The following DROSHA variants were observed in gnomAD, a reference collection of about 807,000 sequenced individuals.
The protein encoded by DROSHA is ribonuclease 3.
Under a neutral mutation model 181.9 loss-of-function variants are expected in DROSHA, and 56 were observed. The observed-to-expected ratio is 0.31, with a 90% CI of 0.25 to 0.38. The LOEUF is 0.38. DROSHA is among the 10% of genes least tolerant of loss of function. The pLI, the probability that DROSHA is intolerant of heterozygous loss-of-function variation, is 1.00. For synonymous variants in DROSHA, 524 were observed against 591.2 expected (o/e 0.89, Z 1.65); for missense variants, 1,218 against 1,743.5 (o/e 0.70, Z 5.37).
intron 27 of DROSHA, among the ~76,000 whole-genome samples, 157 bp from the exon 28 acceptor site, chr5:31,424,628 A>G (rs1185039926): frequency 6.6e-6 from 1 of 152,112 alleles, no homozygotes; most frequent in Non-Finnish European, 1.5e-5. Context: ...TTTTTTTTTA[A>G]GTGTATTCAC....
At position 31,529,064 on chromosome 5, in the gene DROSHA, T is replaced by C. The variant is rs1740921569; in HGVS notation, c.-5A>G. ...CCATGTGTTTCCCTGCATCATGATG[T>C]TCCGCCTGGATATGTCACATCTTCC... On this transcript the variant is annotated 5_prime_UTR_variant, in exon 4 of 36. Coordinates refer to ENST00000344624, the MANE Select transcript of DROSHA (RefSeq NM_001382508.1). The C allele has an allele frequency of 6.2e-7, 1 of 1,613,120 alleles. No individual in the cohort carries two copies.
At chr5:31,506,982 G>C (rs77805992) in intron 10 of DROSHA, among the ~76,000 whole-genome samples, 152 of 152,280 alleles carry the variant, frequency 1.0e-3, no homozygotes, top group African/African-American at 3.5e-3. Flanking sequence ...GGAAATCAGT[G>C]TAGAGGCTTC....
intron 12 of DROSHA, 56 bp from the exon 13 acceptor site, chr5:31,493,349 T>C: frequency 6.8e-7 from 1 of 1,476,044 alleles, no homozygotes; most frequent in Non-Finnish European, 9.2e-7. Flanking sequence ...GAGTTGCATA[T>C]GCAGAAATCC....
Position 31,416,666 on chromosome 5 carries a change from G to A in DROSHA, c.3525+4606C>T, listed in dbSNP as rs561028611. On this transcript the variant is annotated intron_variant, in intron 30 of 35. Transcript: ENST00000344624. Reference sequence around the variant, plus strand: ...GGGCTAGAACAGAACAGCTTCCAGGGAGAGGAAGAGCATACACAAAGGCCT... The same window carrying A: ...GGGCTAGAACAGAACAGCTTCCAGGAAGAGGAAGAGCATACACAAAGGCCT... 5.3e-5 allele frequency among the ~76,000 whole-genome samples: 8 copies of A among 152,292 alleles called. No homozygotes were observed. In the South Asian group the frequency reaches 1.7e-3, roughly 32 times the overall value.
intron 30 of DROSHA, among the ~76,000 whole-genome samples, chr5:31,416,632 T>C (rs1346462447): frequency 6.6e-6 from 1 of 151,934 alleles, no homozygotes; most frequent in African/African-American, 2.4e-5. Context: ...ACCAGGCACA[T>C]AAAAGTAAGG....
At chr5:31,469,704 A>ATAGT (rs71612222) in intron 17 of DROSHA, among the ~76,000 whole-genome samples, 74,330 of 151,734 alleles carry the variant, frequency 0.49, 22,293 homozygotes, top group South Asian at 0.69. Context: ...TAAAATATCT[A>ATAGT]TAGTATCTCT....
Position 31,433,613 on chromosome 5 carries a change from A to C in DROSHA, c.3043-1935T>G, listed in dbSNP as rs188669266. Among the ~76,000 whole-genome samples the C allele has an allele frequency of 2.4e-3, 371 of 152,002 alleles. 3 individuals are homozygous for C. The highest frequency in any genetic ancestry group is 8.5e-3 in the African/African-American group (351 of 41,458). ...AGGCTGGAGTGCAGTGGCACAATCT[A>C]GGCTCACTGCAAGCTCTGCCTCCAG... is the stretch of plus-strand genomic sequence containing the variant. On this transcript the variant is annotated intron_variant, in intron 25 of 35. Transcript: ENST00000344624.
intron 23 of DROSHA, among the ~76,000 whole-genome samples, chr5:31,440,187 G>A (rs1471825639): frequency 6.6e-6 from 1 of 152,098 alleles, no homozygotes; most frequent in Non-Finnish European, 1.5e-5. Flanking sequence ...ACAGTCAACT[G>A]GGAGGCCGAC....
intron 30 of DROSHA, among the ~76,000 whole-genome samples, chr5:31,419,105 A>G (rs1035924121): frequency 6.6e-6 from 1 of 152,204 alleles, no homozygotes; most frequent in Non-Finnish European, 1.5e-5. Context: ...GCTGAGAAAG[A>G]GTAGCTAAAG....
chr5:31,408,126 A>G (rs1460846060), intron 33 of DROSHA, among the ~76,000 whole-genome samples: 3 of 152,172 alleles, frequency 2.0e-5, no homozygotes, highest in Non-Finnish European at 2.9e-5. Flanking sequence ...GTTAAATAAA[A>G]ACATGCGAAA....
At chr5:31,462,262 T>G (rs1748492189) in intron 20 of DROSHA, among the ~76,000 whole-genome samples, 2 of 152,094 alleles carry the variant, frequency 1.3e-5, no homozygotes, top group Admixed American at 1.3e-4. Context: ...TATGAGTAAT[T>G]TTATCAAAAT....
intron 31 of DROSHA, 139 bp downstream of exon 31, chr5:31,410,607 G>T: frequency 7.8e-7 from 1 of 1,274,484 alleles, no homozygotes; most frequent in Non-Finnish European, 1.1e-6. Context: ...GAAAAGCTTT[G>T]GTAAAAAGCA....
At chr5:31,424,707 C>G (rs601013) in intron 27 of DROSHA, among the ~76,000 whole-genome samples, 9,553 of 152,032 alleles carry the variant, frequency 0.063, 963 homozygotes, top group African/African-American at 0.22. Flanking sequence ...TCCTCTAGTC[C>G]CAGAAGTCAG....
chr5:31,418,834 G>C (rs1362541043), intron 30 of DROSHA, among the ~76,000 whole-genome samples: 1 of 152,110 alleles, frequency 6.6e-6, no homozygotes, highest in Non-Finnish European at 1.5e-5. Flanking sequence ...GGGAATACTG[G>C]ACGAGGACCC....
intron 5 of DROSHA, 25 bp from the exon 6 acceptor site, chr5:31,521,240 T>A (rs372197932): frequency 3.3e-5 from 53 of 1,610,352 alleles, no homozygotes; most frequent in Non-Finnish European, 4.0e-5. Context: ...TACACAGAGC[T>A]GTTTTCAACA....
At chr5:31,414,509 CCTGT>C (rs1741723169) in intron 30 of DROSHA, among the ~76,000 whole-genome samples, 4 of 152,100 alleles carry the variant, frequency 2.6e-5, no homozygotes, top group Admixed American at 6.5e-5. Context: ...GTTAAGTGAA[CCTGT>C]CTAAGTTATT....
intron 11 of DROSHA, among the ~76,000 whole-genome samples, chr5:31,504,345 T>G (rs1737657756): frequency 1.3e-5 from 2 of 152,190 alleles, no homozygotes; most frequent in East Asian, 1.9e-4. Flanking sequence ...ATAAAACGAC[T>G]AAAACTTTTG....
intron 1 of DROSHA, 144 bp downstream of exon 1, chr5:31,531,845 CT>C: frequency 6.5e-6 from 1 of 154,818 alleles, no homozygotes. Flanking sequence ...TAGCGTCGCT[CT>C]TTTGCCCTTA....
intron 11 of DROSHA, among the ~76,000 whole-genome samples, chr5:31,497,615 G>A (rs532726926): frequency 2.4e-4 from 37 of 152,272 alleles, no homozygotes; most frequent in Admixed American, 3.9e-4. Flanking sequence ...CAGTCCCACT[G>A]TGGAACAGTC....
Sources: allele counts gnomAD v4.1 joint callset (sites outside exome capture counted in the v4.1 genomes callset), GRCh38; gene constraint gnomAD v4.1.1; transcripts MANE v1.5; gene names NCBI Gene and HGNC (gene_info 2026-07-23, HGNC 2026-07-21).